DCC: variants seen among roughly 807,000 people sequenced by gnomAD.
DCC encodes the protein DCC netrin 1 receptor, also known as netrin receptor DCC.
DCC carries 58 observed loss-of-function variants against 172.5 expected under a neutral mutation model. The observed-to-expected ratio is 0.34, with a 90% confidence interval of 0.27 to 0.42. DCC has a LOEUF of 0.42. Among genes scored for constraint, DCC ranks in the 10% least tolerant of loss-of-function variants. DCC has a pLI of 1.00. For missense variants in DCC, 1,740 were observed against 1,791.0 expected, an observed-to-expected ratio of 0.97 and a Z score of 0.51; for synonymous variants, 709 against 644.5, an observed-to-expected ratio of 1.10 and a Z score of -1.52.
chr18:53,393,186 C>T (rs908007967), intron 17 of DCC, among the ~76,000 whole-genome samples: 2 of 152,152 alleles, frequency 1.3e-5, no homozygotes, highest in African/African-American at 4.8e-5. Context: ...GGAGCTATAG[C>T]TAAATCCCAC....
intron 2 of DCC, among the ~76,000 whole-genome samples, chr18:52,801,426 G>A (rs1397457152): frequency 6.6e-6 from 1 of 151,966 alleles, no homozygotes; most frequent in African/African-American, 2.4e-5. Flanking sequence ...TGAAGGATGA[G>A]TATTAGTTTT....
At position 52,979,257 on chromosome 18, in the gene DCC, G is replaced by A. The variant is rs150519031; in HGVS notation, c.985+53887G>A. Among the ~76,000 whole-genome samples the A allele has an allele frequency of 4.9e-3, 750 of 152,282 alleles. 5 individuals are homozygous for A. The highest frequency in any genetic ancestry group is 0.017 in the African/African-American group (714 of 41,552). ...CATTAAGGTAGTTTCCTATGAAGAC[G>A]GAGGAGAGGGGAAGGAATCAGTTTG... On this transcript the variant is annotated intron_variant, in intron 5 of 28. Coordinates refer to ENST00000442544, the MANE Select transcript of DCC (RefSeq NM_005215.4).
chr18:52,824,928 C>T (rs2038482672), intron 2 of DCC, among the ~76,000 whole-genome samples: 1 of 151,888 alleles, frequency 6.6e-6, no homozygotes, highest in Non-Finnish European at 1.5e-5. Context: ...CAAGATAGCA[C>T]CACTGCACCC....
At position 53,016,815 on chromosome 18, in the gene DCC, T is replaced by G. The variant is rs149871112; in HGVS notation, c.986-46490T>G. ...TTCAAAAGATTTTTTACGTCTGCCC[T>G]TTAATGTTTACAGCTTATCAGCAAC... On this transcript the variant is annotated intron_variant, in intron 5 of 28. Coordinates refer to ENST00000442544, the MANE Select transcript of DCC (RefSeq NM_005215.4). Among the ~76,000 whole-genome samples, 7 of 152,236 alleles carry G rather than the reference T, an allele frequency of 4.6e-5. No individual in the cohort carries two copies. In the East Asian group the frequency reaches 7.7e-4, roughly 17 times the overall value.
intron 1 of DCC, among the ~76,000 whole-genome samples, chr18:52,478,967 A>G (rs191622757): frequency 3.3e-5 from 5 of 152,302 alleles, no homozygotes; most frequent in Admixed American, 3.3e-4. Flanking sequence ...CAATTGAAAA[A>G]TGGCTCTGCT....
intron 21 of DCC, among the ~76,000 whole-genome samples, chr18:53,422,262 C>G (rs1452822829): frequency 6.6e-6 from 1 of 152,154 alleles, no homozygotes. Flanking sequence ...CATAACCTTC[C>G]TCTATTCCAC....
chr18:53,514,443 A>ACTAAG (rs1465434885), intron 27 of DCC, among the ~76,000 whole-genome samples: 2 of 150,522 alleles, frequency 1.3e-5, no homozygotes, highest in Admixed American at 6.6e-5. Flanking sequence ...GCAAGAAATA[A>ACTAAG]ATCAGAGCAG....
chr18:53,310,084 C>A (rs903744034), intron 13 of DCC, among the ~76,000 whole-genome samples: 1 of 151,468 alleles, frequency 6.6e-6, no homozygotes, highest in Non-Finnish European at 1.5e-5. Context: ...CCTCCTCTCC[C>A]CTGCTCTGTG....
chr18:53,145,536 A>T (rs1481992813), intron 7 of DCC, among the ~76,000 whole-genome samples: 2 of 139,098 alleles, frequency 1.4e-5, no homozygotes, highest in African/African-American at 3.1e-5. Flanking sequence ...CCAGACATCG[A>T]CTCTGATGGT....
intron 1 of DCC, among the ~76,000 whole-genome samples, chr18:52,739,574 A>G (rs902255746): frequency 1.3e-5 from 2 of 152,172 alleles, no homozygotes; most frequent in African/African-American, 4.8e-5. Context: ...TGTCACTGCT[A>G]TTCAGTGAAG....
At chr18:53,355,199 C>A (rs1435184650) in intron 15 of DCC, among the ~76,000 whole-genome samples, 2 of 152,114 alleles carry the variant, frequency 1.3e-5, no homozygotes, top group African/African-American at 4.8e-5. Flanking sequence ...AGTTTGAAGT[C>A]AGGTAGCATG....
intron 2 of DCC, among the ~76,000 whole-genome samples, chr18:52,866,895 G>A (rs890725701): frequency 2.0e-5 from 3 of 151,942 alleles, no homozygotes; most frequent in Admixed American, 2.0e-4. Context: ...TGATTGCCCT[G>A]GCCAGCACTT....
chr18:52,489,219 T>A (rs151141170), intron 1 of DCC, among the ~76,000 whole-genome samples: 76 of 152,232 alleles, frequency 5.0e-4, no homozygotes, highest in African/African-American at 1.8e-3. Context: ...GTGCTGCTGG[T>A]CCAGGAAGCT....
intron 2 of DCC, among the ~76,000 whole-genome samples, chr18:52,883,354 G>T (rs1275217230): frequency 1.3e-4 from 4 of 30,908 alleles, no homozygotes; most frequent in Admixed American, 4.1e-4. Context: ...TTATTTATGT[G>T]TGTGTGTGTG....
chr18:53,107,824 G>A (rs1246794903), intron 7 of DCC, among the ~76,000 whole-genome samples: 1 of 151,782 alleles, frequency 6.6e-6, no homozygotes, highest in African/African-American at 2.4e-5. Context: ...GAGAGTAAGG[G>A]CTATGATTTT....
intron 2 of DCC, among the ~76,000 whole-genome samples, chr18:52,844,139 C>T (rs746239602): frequency 6.6e-6 from 1 of 152,068 alleles, no homozygotes; most frequent in South Asian, 2.1e-4. Flanking sequence ...ATAACAGAGA[C>T]AAAATACATA....
rs200168686 is a variant in DCC at position 53,397,302 on chromosome 18, G to A, written c.2689-6G>A. ...TTTATCTCTTTGCTATTTCCTACTT[G>A]TATAGTCAGAAGACACAACATCTCT... On this transcript the variant is annotated splice_region_variant and splice_polypyrimidine_tract_variant and intron_variant, in intron 17 of 28. Coordinates refer to ENST00000442544, the MANE Select transcript of DCC (RefSeq NM_005215.4). 4 of 1,612,642 alleles carry A rather than the reference G, an allele frequency of 2.5e-6. No individual in the cohort carries two copies. The highest frequency in any genetic ancestry group is 3.4e-6 in the Non-Finnish European group (4 of 1,178,942).
At chr18:53,255,133 C>A (rs1231853694) in intron 12 of DCC, among the ~76,000 whole-genome samples, 3 of 152,038 alleles carry the variant, frequency 2.0e-5, no homozygotes, top group East Asian at 3.9e-4. Flanking sequence ...CTTCTAGCTT[C>A]CTGGGTATTC....
intron 13 of DCC, among the ~76,000 whole-genome samples, chr18:53,314,043 A>C (rs907621387): frequency 6.6e-6 from 1 of 152,142 alleles, no homozygotes; most frequent in African/African-American, 2.4e-5. Flanking sequence ...TTTACAGGCA[A>C]TTTTTCATTT....
Sources: allele counts gnomAD v4.1 joint callset (sites outside exome capture counted in the v4.1 genomes callset), GRCh38; gene constraint gnomAD v4.1.1; transcripts MANE v1.5; gene names NCBI Gene and HGNC (gene_info 2026-07-23, HGNC 2026-07-21).